The following UBE2E2 variants were observed in gnomAD, a reference collection of about 807,000 sequenced individuals.
The protein encoded by UBE2E2 is ubiquitin-conjugating enzyme E2 E2.
Under a neutral mutation model 24.7 loss-of-function variants are expected in UBE2E2, and 6 were observed. The ratio of observed to expected loss-of-function variants is 0.24; its 90% CI spans 0.13 to 0.48. The LOEUF (loss-of-function observed/expected upper bound fraction) is 0.48, where lower values mean the gene tolerates loss of function less well. Among genes scored for constraint, UBE2E2 ranks in the 20% least tolerant of loss-of-function variants. The pLI is 0.99. For synonymous variants in UBE2E2, 104 were observed against 83.6 expected, an observed-to-expected ratio of 1.24 and a Z score of -1.33; for missense variants, 169 against 245.0, an observed-to-expected ratio of 0.69 and a Z score of 2.07.
At position 23,342,556 on chromosome 3, in the gene UBE2E2, C is replaced by G. The variant is rs144832209; in HGVS notation, c.227+125244C>G. ...GGTCGTAGGCTACATTTTCACACTA[C>G]ATAAACTATGCCCCTGGTTATAGAA... On this transcript the variant is annotated intron_variant, in intron 3 of 5. Transcript: ENST00000396703. Among the ~76,000 whole-genome samples, 1,208 of 152,320 alleles carry G rather than the reference C, an allele frequency of 7.9e-3. 16 individuals carry two copies. Among genetic ancestry groups the G allele is most frequent in the African/African-American group, 0.028 (1,155 of 41,562 alleles).
At chr3:23,274,035 G>T (rs1399033198) in intron 3 of UBE2E2, 1 of 152,154 alleles carries the variant, frequency 6.6e-6, no homozygotes, top group Non-Finnish European at 1.5e-5. Flanking sequence ...AAATGCTGTT[G>T]ATATAAGAAG....
intron 3 of UBE2E2, among the ~76,000 whole-genome samples, chr3:23,359,725 A>G (rs1471300287): frequency 6.6e-6 from 1 of 152,018 alleles, no homozygotes; most frequent in African/African-American, 2.4e-5. Flanking sequence ...TTTTTTATAT[A>G]ATTAATAATT....
intron 3 of UBE2E2, among the ~76,000 whole-genome samples, chr3:23,388,194 A>C (rs1490041374): frequency 6.6e-6 from 1 of 152,192 alleles, no homozygotes; most frequent in Non-Finnish European, 1.5e-5. Context: ...GGGAGTAAAT[A>C]TTCTAAGACT....
In UBE2E2 at chr3:23,556,454, T is replaced by TAAAAAAAAAAAAAAAAAAAAA. The variant is rs5847239; in HGVS notation, c.508+23771_508+23772insAAAAAAAAAAAAAAAAAAAAA. Among the ~76,000 whole-genome samples, 120 of 94,218 alleles carry TAAAAAAAAAAAAAAAAAAAAA rather than the reference T, an allele frequency of 1.3e-3. 4 individuals carry two copies. The highest frequency in any genetic ancestry group is 2.8e-3 in the African/African-American group (63 of 22,148). The allele number at this position is 94,218 out of a possible 152,430, so 61.8% of individuals were successfully genotyped here. ...CCATGCCCAGCCAATAAAATTTATT[T>TAAAAAAAAAAAAAAAAAAAAA]AAAAAAAAAAAAAAAAAAGCTATAC... On this transcript the variant is annotated intron_variant, in intron 5 of 5. Transcript: ENST00000396703.
intron 3 of UBE2E2, among the ~76,000 whole-genome samples, chr3:23,296,764 A>G (rs1698921581): frequency 1.3e-5 from 2 of 152,200 alleles, no homozygotes; most frequent in African/African-American, 4.8e-5. Flanking sequence ...TGCCGCAATA[A>G]ACATACGTAT....
intron 3 of UBE2E2, among the ~76,000 whole-genome samples, chr3:23,423,259 G>C (rs1274912416): frequency 6.6e-6 from 1 of 152,144 alleles, no homozygotes; most frequent in Admixed American, 6.5e-5. Context: ...AGTTGTGTTC[G>C]AGTTCTAACT....
At chr3:23,361,794 C>T (rs773800914) in intron 3 of UBE2E2, among the ~76,000 whole-genome samples, 2 of 140,308 alleles carry the variant, frequency 1.4e-5, no homozygotes, top group Non-Finnish European at 2.9e-5. Context: ...AAACTACTTG[C>T]ATCCCCAAAA....
intron 3 of UBE2E2, among the ~76,000 whole-genome samples, chr3:23,220,331 A>G (rs1424996328): frequency 1.3e-5 from 2 of 152,226 alleles, no homozygotes; most frequent in Admixed American, 1.3e-4. Flanking sequence ...AAAATGCAGT[A>G]AGATAGTTTT....
intron 3 of UBE2E2, among the ~76,000 whole-genome samples, chr3:23,402,724 G>A (rs1697258189): frequency 6.6e-6 from 1 of 151,560 alleles, no homozygotes; most frequent in South Asian, 2.1e-4. Flanking sequence ...GTTTTAAATA[G>A]GAATATATAG....
chr3:23,217,868 T>C (rs1364828156), intron 3 of UBE2E2, among the ~76,000 whole-genome samples: 1 of 152,252 alleles, frequency 6.6e-6, no homozygotes, highest in South Asian at 2.1e-4. Flanking sequence ...TGTTTACTTT[T>C]AGGAAAGAAA....
chr3:23,337,536 G>T (rs182891012), intron 3 of UBE2E2, among the ~76,000 whole-genome samples: 3 of 152,124 alleles, frequency 2.0e-5, no homozygotes, highest in African/African-American at 7.2e-5. Flanking sequence ...GCTTTAGGAC[G>T]ATTTCACATA....
intron 3 of UBE2E2, among the ~76,000 whole-genome samples, chr3:23,295,399 C>T (rs141067106): frequency 1.3e-5 from 2 of 152,182 alleles, no homozygotes; most frequent in East Asian, 3.9e-4. Context: ...TTTAGGGTTG[C>T]AGATTCCTCT....
intron 3 of UBE2E2, among the ~76,000 whole-genome samples, chr3:23,448,202 C>T (rs1698476241): frequency 6.6e-6 from 1 of 152,058 alleles, no homozygotes; most frequent in Non-Finnish European, 1.5e-5. Context: ...GTTAGTGACC[C>T]CGTAATCTTT....
At chr3:23,324,389 T>G (rs1311405171) in intron 3 of UBE2E2, among the ~76,000 whole-genome samples, 1 of 152,148 alleles carries the variant, frequency 6.6e-6, no homozygotes, top group African/African-American at 2.4e-5. Flanking sequence ...ACCGTATTCC[T>G]TATGAATTAT....
chr3:23,377,732 G>A (rs1696556162), intron 3 of UBE2E2, among the ~76,000 whole-genome samples: 2 of 152,220 alleles, frequency 1.3e-5, no homozygotes, highest in Admixed American at 1.3e-4. Context: ...TCAAGCCTCA[G>A]TTTATCCCCC....
At chr3:23,301,702 T>G (rs1178240544) in intron 3 of UBE2E2, among the ~76,000 whole-genome samples, 1 of 152,152 alleles carries the variant, frequency 6.6e-6, no homozygotes, top group Non-Finnish European at 1.5e-5. Context: ...TACTGAGAGA[T>G]GCCTCCCAGG....
At chr3:23,359,192 G>A (rs968385207) in intron 3 of UBE2E2, among the ~76,000 whole-genome samples, 3 of 151,914 alleles carry the variant, frequency 2.0e-5, no homozygotes, top group East Asian at 1.9e-4. Flanking sequence ...TGTGTTTCTT[G>A]TACTCTTTCA....
At chr3:23,231,371 A>G (rs1696969381) in intron 3 of UBE2E2, among the ~76,000 whole-genome samples, 2 of 152,140 alleles carry the variant, frequency 1.3e-5, no homozygotes, top group African/African-American at 4.8e-5. Flanking sequence ...TAGGAAGAGG[A>G]GGCTATAGGA....
chr3:23,454,213 G>T (rs1698626052), intron 3 of UBE2E2, among the ~76,000 whole-genome samples: 1 of 152,034 alleles, frequency 6.6e-6, no homozygotes. Flanking sequence ...TTTATAAACT[G>T]ATTTTTTAAA....
Sources: gnomAD v4.1 joint callset for allele counts (sites outside exome capture counted in the v4.1 genomes callset) on GRCh38, gnomAD v4.1.1 for gene constraint, MANE v1.5 for transcripts, NCBI Gene and HGNC (gene_info 2026-07-23, HGNC 2026-07-21) for gene names.